Variants in SH2B2 observed in about 807,000 individuals in gnomAD.
The protein encoded by SH2B2 is SH2B adaptor protein 2, also known as SH2B adapter protein 2.
A neutral mutation model predicts 35.7 loss-of-function variants in SH2B2; 37 were observed. That is an observed-to-expected ratio of 1.04 (90% confidence interval 0.80 to 1.36). The LOEUF is 1.36. Ranked by LOEUF, SH2B2 falls within the 40% of genes most tolerant of loss-of-function variation. SH2B2 has a pLI of 0.00. For missense variants in SH2B2, 852 were observed against 817.7 expected (o/e 1.04, Z -0.51); for synonymous variants, 383 against 376.4 (o/e 1.02, Z -0.20).
At chr7:102,311,674 T>C (rs994620383) in intron 4 of SH2B2, among the ~76,000 whole-genome samples, 4 of 151,386 alleles carry the variant, frequency 2.6e-5, no homozygotes, top group Non-Finnish European at 4.4e-5. Flanking sequence ...GCACTGGGAT[T>C]ACAGGCATGA....
chr7:102,290,245 T>TA (rs1678319475), intron 1 of SH2B2, among the ~76,000 whole-genome samples: 1 of 151,238 alleles, frequency 6.6e-6, no homozygotes, highest in Non-Finnish European at 1.5e-5. Context: ...ACCCCCCTTT[T>TA]TTTTTTTTAT....
intron 4 of SH2B2, among the ~76,000 whole-genome samples, chr7:102,311,469 C>G (rs1474480166): frequency 6.6e-6 from 1 of 151,540 alleles, no homozygotes; most frequent in Non-Finnish European, 1.5e-5. Flanking sequence ...TGGTCAGGCT[C>G]GTCTCGAACT....
chr7:102,297,225 C>A lies in SH2B2; in HGVS notation c.-29-3297C>A, dbSNP rs2242582. Among the ~76,000 whole-genome samples the A allele has an allele frequency of 3.6e-3, 551 of 152,104 alleles. 36 individuals are homozygous for A. In the East Asian group the frequency reaches 0.095, roughly 26 times the overall value. On this transcript the variant is annotated intron_variant, in intron 1 of 8. Coordinates refer to ENST00000444095, the MANE Select transcript of SH2B2 (RefSeq NM_001359228.2). This position sits in a 1 kb window ranked among gnomAD's most constrained non-coding sequence, Gnocchi z 4.3. ...GCATATCCGCACTCTGGATACGACC[C>A]GCTCGCCACTTAGGAGTTGTCTGGG...
rs2133060026 is a variant in SH2B2, at chr7:102,321,571, C to G, written c.1840C>G (p.Pro614Ala). The G allele has an allele frequency of 8.6e-7, 1 of 1,157,226 alleles. No homozygotes were observed. Among genetic ancestry groups the G allele is most frequent in the South Asian group, 3.9e-5 (1 of 25,798 alleles). 71.7% of individuals were successfully genotyped at this position (1,157,226 alleles called of 1,614,324 possible). A position where few individuals can be genotyped will look rare whatever the true frequency, so the allele number is the denominator to read the frequency against. The stretch of plus-strand genomic sequence containing the variant: ...CGTGGCCGCCACCGCCGCCGAGGAG[C>G]CCCCGGAGGCCGCGCCCGGCCGCGC... Reference protein sequence around the residue: ...EAVAATAAEEPPEAAPGRARA... With the variant: ...EAVAATAAEEAPEAAPGRARA... Residue 614 changes from proline to alanine, a missense_variant, in exon 9 of 9, where the codon CCC becomes GCC. Pro to Ala is a conservative substitution (Grantham distance 27). Coordinates refer to ENST00000444095, the MANE Select transcript of SH2B2 (RefSeq NM_001359228.2).
At chr7:102,303,095 T>G (rs1468481058) in intron 2 of SH2B2, among the ~76,000 whole-genome samples, 4 of 151,654 alleles carry the variant, frequency 2.6e-5, no homozygotes, top group African/African-American at 9.7e-5. Flanking sequence ...TACATGCCTG[T>G]AATCACAGCT....
intron 2 of SH2B2, among the ~76,000 whole-genome samples, chr7:102,303,476 G>T (rs990521956): frequency 6.6e-6 from 1 of 152,132 alleles, no homozygotes; most frequent in Non-Finnish European, 1.5e-5. Flanking sequence ...GTCTGCTGGG[G>T]TGCAGGGGTG....
intron 2 of SH2B2, among the ~76,000 whole-genome samples, chr7:102,305,472 C>T (rs1349942978): frequency 6.6e-6 from 1 of 151,896 alleles, no homozygotes; most frequent in Non-Finnish European, 1.5e-5. Context: ...CATCATGTTG[C>T]CCAGGCTGGT....
chr7:102,308,412 CT>C (rs1307932747), intron 3 of SH2B2, among the ~76,000 whole-genome samples: 2 of 152,226 alleles, frequency 1.3e-5, no homozygotes, highest in Admixed American at 6.5e-5. Flanking sequence ...GCAAGCCCCC[CT>C]ACTCAGTGTG....
chr7:102,295,204 G>A (rs1235217772), intron 1 of SH2B2, among the ~76,000 whole-genome samples: 3 of 152,140 alleles, frequency 2.0e-5, no homozygotes, highest in Non-Finnish European at 4.4e-5. Context: ...CCTGCCTGCC[G>A]CTGCCTGCCC....
rs1554558647 is a variant in SH2B2, at chr7:102,321,565, G to T, written c.1834G>T (p.Glu612Ter). Reference sequence around the variant, plus strand: ...GGAGGCCGTGGCCGCCACCGCCGCCGAGGAGCCCCCGGAGGCCGCGCCCGG... The same window carrying T: ...GGAGGCCGTGGCCGCCACCGCCGCCTAGGAGCCCCCGGAGGCCGCGCCCGG... ...LLEAVAATAA[E>*]EPPEAAPGRA... Residue 612 changes from glutamate (E) to a stop codon, truncating the protein, a stop_gained, in exon 9 of 9, where the codon GAG becomes TAG. Transcript: ENST00000444095. LOFTEE classifies it high-confidence loss of function. The T allele has an allele frequency of 8.6e-7, 1 of 1,156,954 alleles. No individual in the cohort carries two copies. The highest frequency in any genetic ancestry group is 1.1e-6 in the Non-Finnish European group (1 of 941,388). The allele number at this position is 1,156,954 out of a possible 1,614,324, so 71.7% of individuals were successfully genotyped here.
rs557329329 is a variant in SH2B2 at position 102,317,240 on chromosome 7, G to T, written c.1240G>T (p.Asp414Tyr). Residue 414 changes from aspartate (D) to tyrosine (Y), a missense_variant, in exon 7 of 9, where the codon GAC (aspartate) becomes TAC (tyrosine). Coordinates refer to ENST00000444095, the MANE Select transcript of SH2B2 (RefSeq NM_001359228.2). ...PEAEPELELS[D>Y]YPWFHGTLSR... ...GGCTGAACCCGAGCTGGAGCTATCC[G>T]ACTACCCATGGTTCCACGGGACACT... 1 of 1,612,314 alleles carries T rather than the reference G, an allele frequency of 6.2e-7. No homozygotes were observed. Among genetic ancestry groups the T allele is most frequent in the Non-Finnish European group, 8.5e-7 (1 of 1,179,282 alleles).
intron 1 of SH2B2, among the ~76,000 whole-genome samples, chr7:102,292,849 G>A (rs982025796): frequency 1.3e-5 from 2 of 152,190 alleles, no homozygotes; most frequent in African/African-American, 4.8e-5. Flanking sequence ...CTCTGAGGAC[G>A]GAGCTAAGTG....
chr7:102,320,798 C>T (rs757495528), intron 8 of SH2B2, among the ~76,000 whole-genome samples: 5 of 152,140 alleles, frequency 3.3e-5, no homozygotes, highest in East Asian at 1.9e-4. Context: ...TGGATTGGGG[C>T]AAGTGGGATG....
intron 3 of SH2B2, 89 bp from the exon 4 acceptor site, chr7:102,308,726 A>G: frequency 1.1e-6 from 1 of 929,758 alleles, no homozygotes; most frequent in Non-Finnish European, 1.8e-6. Flanking sequence ...GAGGGGGATC[A>G]GCCATTTGAG....
At chr7:102,302,107 C>T (rs1016019883) in intron 2 of SH2B2, among the ~76,000 whole-genome samples, 2 of 152,258 alleles carry the variant, frequency 1.3e-5, no homozygotes, top group African/African-American at 4.8e-5. Flanking sequence ...GATCCTCCCC[C>T]ACCTTGGCCT....
rs191945807 is a variant in SH2B2, at chr7:102,318,326, A to T, written c.1395+931A>T. ...GCTAATTTTTGTATTTTTAGTAGAG[A>T]CAGGGTTTCACCATGTTGGCCAGGC... On this transcript the variant is annotated intron_variant, in intron 7 of 8. Coordinates refer to ENST00000444095, the MANE Select transcript of SH2B2 (RefSeq NM_001359228.2). Among the ~76,000 whole-genome samples the T allele has an allele frequency of 7.0e-3, 1,062 of 152,234 alleles. 15 individuals carry two copies. Among genetic ancestry groups the T allele is most frequent in the African/African-American group, 0.025 (1,028 of 41,522 alleles).
chr7:102,301,803 C>T (rs983257678), intron 2 of SH2B2, among the ~76,000 whole-genome samples: 1 of 152,104 alleles, frequency 6.6e-6, no homozygotes, highest in Non-Finnish European at 1.5e-5. Flanking sequence ...GAACTCCTTA[C>T]CTCAAGTGAT....
intron 4 of SH2B2, among the ~76,000 whole-genome samples, chr7:102,313,918 A>G (rs1183095563): frequency 6.6e-6 from 1 of 152,162 alleles, no homozygotes; most frequent in African/African-American, 2.4e-5. Flanking sequence ...CTCAAAAAAA[A>G]AAAAAGAATA....
chr7:102,315,179 A>T (rs1441855609), intron 6 of SH2B2, among the ~76,000 whole-genome samples: 1 of 149,050 alleles, frequency 6.7e-6, no homozygotes, highest in Non-Finnish European at 1.5e-5. Context: ...ACAGAGTGAG[A>T]CTATGTCTCA....
Sources: allele counts gnomAD v4.1 joint callset (sites outside exome capture counted in the v4.1 genomes callset), GRCh38; gene constraint gnomAD v4.1.1; non-coding constraint Gnocchi (gnomAD v3.1); transcripts MANE v1.5; gene names NCBI Gene and HGNC (gene_info 2026-07-23, HGNC 2026-07-21).